The following VASH2 variants were observed in gnomAD, a reference collection of about 807,000 sequenced individuals.
The protein encoded by VASH2 is tubulinyl-Tyr carboxypeptidase 2.
VASH2 carries 28 observed loss-of-function variants against 37.2 expected under a neutral mutation model. The ratio of observed to expected loss-of-function variants is 0.75; its 90% CI spans 0.56 to 1.03. The LOEUF (loss-of-function observed/expected upper bound fraction) is 1.03. Ranked by LOEUF, VASH2 falls within the 50% of genes least tolerant of loss-of-function variation. The pLI is 0.00. For missense variants in VASH2, 419 were observed against 459.1 expected (o/e 0.91, Z 0.80); for synonymous variants, 188 against 174.7 (o/e 1.08, Z -0.60).
At chr1:212,975,275 C>T (rs1298098645) in intron 7 of VASH2, among the ~76,000 whole-genome samples, 1 of 152,196 alleles carries the variant, frequency 6.6e-6, no homozygotes, top group Admixed American at 6.5e-5. Context: ...TCTTTACTTG[C>T]CCCATTCCGC....
intron 2 of VASH2, among the ~76,000 whole-genome samples, chr1:212,955,365 C>T (rs1433500311): frequency 6.6e-6 from 1 of 152,196 alleles, no homozygotes; most frequent in East Asian, 1.9e-4. Flanking sequence ...GCTTTGAGAT[C>T]CTCCTTCTAA....
intron 2 of VASH2, among the ~76,000 whole-genome samples, chr1:212,960,048 G>A (rs939378703): frequency 1.1e-4 from 16 of 152,170 alleles, no homozygotes; most frequent in Admixed American, 4.6e-4. Flanking sequence ...GAAATAAAGC[G>A]AAAAACAAAA....
At chr1:212,969,861 C>T (rs1666957394) in intron 5 of VASH2, among the ~76,000 whole-genome samples, 1 of 152,212 alleles carries the variant, frequency 6.6e-6, no homozygotes, top group African/African-American at 2.4e-5. Flanking sequence ...CGCCTGTGTC[C>T]ATTGGCCTGT....
intron 2 of VASH2, among the ~76,000 whole-genome samples, chr1:212,954,018 C>T (rs1389149066): frequency 6.6e-6 from 1 of 151,970 alleles, no homozygotes; most frequent in Non-Finnish European, 1.5e-5. Flanking sequence ...AAGCAATCCT[C>T]CCACCTCAGC....
At position 212,988,689 on chromosome 1, in the gene VASH2, T is replaced by C. The variant is rs2075824046; in HGVS notation, c.*105T>C. On this transcript the variant is annotated 3_prime_UTR_variant, in exon 8 of 8. Transcript: ENST00000517399. ...ACTATTTATTAAGAACTTGTGAATT[T>C]TATTTTTAAGGATTCACCTGGAAAT... 8 of 1,238,026 alleles carry C rather than the reference T, an allele frequency of 6.5e-6. No individual in the cohort carries two copies. The highest frequency in any genetic ancestry group is 8.1e-6 in the Non-Finnish European group (7 of 861,416). The allele number at this position is 1,238,026 out of a possible 1,614,324, so 76.7% of individuals were successfully genotyped here.
At chr1:212,957,445 C>T (rs1375958435) in intron 2 of VASH2, among the ~76,000 whole-genome samples, 4 of 152,136 alleles carry the variant, frequency 2.6e-5, no homozygotes, top group African/African-American at 4.8e-5. Context: ...ACGTTTTCAT[C>T]CTCTCCATTA....
In VASH2 at chr1:212,968,865, T is replaced by C. The variant is rs181597091; in HGVS notation, c.497+2520T>C. On this transcript the variant is annotated intron_variant, in intron 5 of 7. Transcript: ENST00000517399. ...GGGTAGACAAGCTAACTTCAGACTCTTTGTTGAGGGGTGTCTGAGTGCCTC... is the reference window on the plus strand; with the variant it reads ...GGGTAGACAAGCTAACTTCAGACTCCTTGTTGAGGGGTGTCTGAGTGCCTC... The C allele has an allele frequency of 4.9e-5, 48 of 985,446 alleles. No individual in the cohort carries two copies. In the Admixed American group the frequency reaches 1.1e-3, roughly 23 times the overall value. 61.0% of individuals were successfully genotyped at this position (985,446 alleles called of 1,614,324 possible).
At chr1:212,967,771 T>A (rs1190570853) in intron 5 of VASH2, 1 of 154,348 alleles carries the variant, frequency 6.5e-6, no homozygotes. Flanking sequence ...ATCAAGGAGA[T>A]AGAATGTATA....
chr1:212,960,032 G>A (rs1666625215), intron 2 of VASH2, among the ~76,000 whole-genome samples: 1 of 152,222 alleles, frequency 6.6e-6, no homozygotes, highest in South Asian at 2.1e-4. Flanking sequence ...CGAGAAACAT[G>A]TAGGTGAAAT....
chr1:212,991,318 T>C lies in VASH2; in HGVS notation c.*2734T>C, dbSNP rs2075857231. 1 of 152,230 alleles carries C rather than the reference T, an allele frequency of 6.6e-6. No homozygotes were observed. The highest frequency in any genetic ancestry group is 2.4e-5 in the African/African-American group (1 of 41,462). The allele number at this position is 152,230 out of a possible 1,614,324, so 9.4% of individuals were successfully genotyped here. On this transcript the variant is annotated 3_prime_UTR_variant, in exon 8 of 8. Coordinates refer to ENST00000517399, the MANE Select transcript of VASH2 (RefSeq NM_001301056.2). ...TACCTGAGTCTTTTGTAAGCTATAG[T>C]TTTATGTACAACCTTGTACAGTTTT...
intron 3 of VASH2, among the ~76,000 whole-genome samples, chr1:212,963,296 C>T (rs1418308577): frequency 6.6e-6 from 1 of 152,230 alleles, no homozygotes; most frequent in African/African-American, 2.4e-5. Context: ...AGAAGGGAAG[C>T]ACCAGCAGGC....
rs1042062652 is a variant in VASH2 at position 212,989,719 on chromosome 1, AG to A, written c.*1136del. Reference sequence around the variant, plus strand: ...TGAGTATTGGAAAATATAAAGAATTAGAAAAGCAGCACTTTTTTTTTAATGG... The same window carrying A: ...TGAGTATTGGAAAATATAAAGAATTAAAAAGCAGCACTTTTTTTTTAATGG... On this transcript the variant is annotated 3_prime_UTR_variant, in exon 8 of 8. Coordinates refer to ENST00000517399, the MANE Select transcript of VASH2 (RefSeq NM_001301056.2). 2 of 152,238 alleles carry A rather than the reference AG, an allele frequency of 1.3e-5. No individual in the cohort carries two copies. Among genetic ancestry groups the A allele is most frequent in the Non-Finnish European group, 2.9e-5 (2 of 68,042 alleles). 9.4% of individuals were successfully genotyped at this position (152,238 alleles called of 1,614,324 possible).
At chr1:212,970,428 G>A (rs1006689165) in intron 5 of VASH2, among the ~76,000 whole-genome samples, 4 of 152,154 alleles carry the variant, frequency 2.6e-5, no homozygotes, top group African/African-American at 9.7e-5. Flanking sequence ...ACTCTGCTGA[G>A]GCCCCTCCTC....
intron 6 of VASH2, 98 bp from the exon 7 acceptor site, chr1:212,973,857 C>T: frequency 6.8e-7 from 1 of 1,481,256 alleles, no homozygotes; most frequent in Non-Finnish European, 9.0e-7. Context: ...ACCATGGCAT[C>T]ATGATTGGGC....
At chr1:212,978,499 G>A (rs561647326) in intron 7 of VASH2, among the ~76,000 whole-genome samples, 2 of 152,302 alleles carry the variant, frequency 1.3e-5, no homozygotes, top group East Asian at 3.9e-4. Flanking sequence ...CAGCCCCAGT[G>A]GGGAAAGCCC....
chr1:212,968,613 C>G, intron 5 of VASH2: 1 of 985,496 alleles, frequency 1.0e-6, no homozygotes, highest in Non-Finnish European at 1.2e-6. Context: ...TCATCCTCCT[C>G]CCTGTTTCCC....
chr1:212,958,524 G>T (rs1225337445), intron 2 of VASH2, among the ~76,000 whole-genome samples: 4 of 152,102 alleles, frequency 2.6e-5, no homozygotes, highest in African/African-American at 9.7e-5. Context: ...GGCTTGAGGG[G>T]GGTTGAAATA....
chr1:212,954,881 C>T (rs1461441278), intron 2 of VASH2, among the ~76,000 whole-genome samples: 1 of 152,192 alleles, frequency 6.6e-6, no homozygotes, highest in African/African-American at 2.4e-5. Flanking sequence ...CACATTGCAT[C>T]TTAATGGTTG....
chr1:212,963,163 A>G (rs891996203), intron 3 of VASH2, among the ~76,000 whole-genome samples: 2 of 152,220 alleles, frequency 1.3e-5, no homozygotes, highest in African/African-American at 4.8e-5. Flanking sequence ...ACCTGACAGC[A>G]TATTCTCTGC....
Sources: gnomAD v4.1 joint callset for allele counts (sites outside exome capture counted in the v4.1 genomes callset) on GRCh38, gnomAD v4.1.1 for gene constraint, MANE v1.5 for transcripts, NCBI Gene and HGNC (gene_info 2026-07-23, HGNC 2026-07-21) for gene names.